The following AQR variants were observed in gnomAD, a reference collection of about 807,000 sequenced individuals.
The protein encoded by AQR is RNA helicase aquarius.
A neutral mutation model predicts 180.5 loss-of-function variants in AQR; 61 were observed. That is an observed-to-expected ratio of 0.34 (90% CI 0.28 to 0.42). The LOEUF (loss-of-function observed/expected upper bound fraction) is 0.42, where lower values mean the gene tolerates loss of function less well. Among genes scored for constraint, AQR ranks in the 10% least tolerant of loss-of-function variants. AQR has a pLI of 1.00. For missense variants in AQR, 1,281 were observed against 1,798.3 expected (o/e 0.71, Z 5.20); for synonymous variants, 551 against 588.8 (o/e 0.94, Z 0.93).
intron 2 of AQR, among the ~76,000 whole-genome samples, chr15:34,963,660 A>G (rs942378081): frequency 4.6e-5 from 4 of 86,972 alleles, no homozygotes; most frequent in East Asian, 6.9e-4. Flanking sequence ...ATACACGTAC[A>G]CTTTTTTTTT....
At chr15:34,952,524 G>C (rs566141316) in intron 4 of AQR, among the ~76,000 whole-genome samples, 31 of 152,166 alleles carry the variant, frequency 2.0e-4, no homozygotes, top group Non-Finnish European at 4.4e-4. Context: ...CTAGTAGCTA[G>C]ACTGGAACAA....
chr15:34,878,154 G>T (rs1892913391), intron 27 of AQR, among the ~76,000 whole-genome samples: 1 of 152,204 alleles, frequency 6.6e-6, no homozygotes, highest in South Asian at 2.1e-4. Flanking sequence ...GGAGGCCAAG[G>T]CAGGTGGATC....
At chr15:34,913,531 CAAG>C (rs1371899588) in intron 16 of AQR, among the ~76,000 whole-genome samples, 2 of 151,940 alleles carry the variant, frequency 1.3e-5, no homozygotes, top group Admixed American at 6.6e-5. Context: ...GAATTAACTC[CAAG>C]AAGTGACATT....
chr15:34,944,657 T>C (rs1894082153), intron 5 of AQR, among the ~76,000 whole-genome samples: 1 of 152,192 alleles, frequency 6.6e-6, no homozygotes, highest in African/African-American at 2.4e-5. Context: ...GCTAATAAAA[T>C]AATGGCTTTC....
intron 20 of AQR, among the ~76,000 whole-genome samples, chr15:34,898,010 GA>G (rs1163710151): frequency 6.6e-6 from 1 of 152,108 alleles, no homozygotes; most frequent in Non-Finnish European, 1.5e-5. Flanking sequence ...CATTTAATCA[GA>G]AAAAAATTTC....
Position 34,877,014 on chromosome 15 carries a change from T to C in AQR, c.3166-1008A>G, listed in dbSNP as rs578160726. Among the ~76,000 whole-genome samples, 28 of 152,360 alleles carry C rather than the reference T, an allele frequency of 1.8e-4. No individual in the cohort carries two copies. In the South Asian group the frequency reaches 2.7e-3, roughly 15 times the overall value. ...TCTTTTGTCTTCCAGACCTACACAA[T>C]TTGTAATTATATCTGTATATTTACT... is the stretch of plus-strand genomic sequence containing the variant. On this transcript the variant is annotated intron_variant, in intron 27 of 34. Coordinates refer to ENST00000156471, the MANE Select transcript of AQR (RefSeq NM_014691.3).
At chr15:34,937,109 C>T (rs907184147) in intron 9 of AQR, among the ~76,000 whole-genome samples, 13 of 152,172 alleles carry the variant, frequency 8.5e-5, no homozygotes, top group African/African-American at 2.9e-4. Context: ...ACAATCTCGG[C>T]TCACTGCAAG....
intron 12 of AQR, among the ~76,000 whole-genome samples, chr15:34,929,617 T>C (rs1162080703): frequency 6.6e-6 from 1 of 152,202 alleles, no homozygotes; most frequent in African/African-American, 2.4e-5. Flanking sequence ...TGAAGTCAAG[T>C]AGCATGATGC....
At chr15:34,884,835 GA>G in intron 25 of AQR, 101 bp from the exon 26 acceptor site, 57 of 799,326 alleles carry the variant, frequency 7.1e-5, no homozygotes, top group Middle Eastern at 3.7e-4. Context: ...AGGTGAAAAA[GA>G]AAAAAAAAGA....
At chr15:34,967,669 G>C (rs1331035113) in intron 1 of AQR, among the ~76,000 whole-genome samples, 1 of 152,140 alleles carries the variant, frequency 6.6e-6, no homozygotes, top group Non-Finnish European at 1.5e-5. Context: ...TCAAATAAAC[G>C]AAGTTCTGTA....
chr15:34,853,258 TA>T lies in AQR; in HGVS notation c.*3533del, dbSNP rs1338856249. The T allele has an allele frequency of 1.3e-5, 2 of 151,406 alleles. No homozygotes were observed. Among genetic ancestry groups the T allele is most frequent in the African/African-American group, 2.4e-5 (1 of 40,984 alleles). The allele number at this position is 151,406 out of a possible 1,614,324, so 9.4% of individuals were successfully genotyped here. A position where few individuals can be genotyped will look rare whatever the true frequency, so the allele number is the denominator to read the frequency against. ...AGGGTCACTGTTTTTTTTTTTTTTT[TA>T]ACTTTATCTTGTTTTGATTGAAGAA... is the stretch of plus-strand genomic sequence containing the variant. On this transcript the variant is annotated 3_prime_UTR_variant, in exon 35 of 35. Coordinates refer to ENST00000156471, the MANE Select transcript of AQR (RefSeq NM_014691.3).
intron 24 of AQR, among the ~76,000 whole-genome samples, chr15:34,888,837 C>CAGAGAA (rs1273211101): frequency 2.0e-4 from 30 of 152,248 alleles, no homozygotes; most frequent in Admixed American, 8.5e-4. Context: ...TTTTTTTCTT[C>CAGAGAA]AGAGAAAGTG....
chr15:34,957,649 C>G (rs953590048), intron 3 of AQR, among the ~76,000 whole-genome samples: 2 of 148,194 alleles, frequency 1.3e-5, no homozygotes, highest in Non-Finnish European at 3.0e-5. Context: ...TGCGGTGAGC[C>G]GAGACTGCAC....
chr15:34,874,908 T>C lies in AQR; in HGVS notation c.3238-44A>G, dbSNP rs768697955. 7 of 1,543,430 alleles carry C rather than the reference T, an allele frequency of 4.5e-6. No individual in the cohort carries two copies. The East Asian group carries it at 1.4e-4, about 30-fold the overall frequency. On this transcript the variant is annotated intron_variant, in intron 28 of 34. Transcript: ENST00000156471. Reference sequence around the variant, plus strand: ...GAAATGGCAAAATACTCTATTATCCTCTTGTCTCCAATTTATTACCCGAGA... The same window carrying C: ...GAAATGGCAAAATACTCTATTATCCCCTTGTCTCCAATTTATTACCCGAGA...
chr15:34,896,985 A>T lies in AQR; in HGVS notation c.2391-19T>A. 1 of 1,589,206 alleles carries T rather than the reference A, an allele frequency of 6.3e-7. No individual in the cohort carries two copies. On this transcript the variant is annotated intron_variant, in intron 21 of 34. Coordinates refer to ENST00000156471, the MANE Select transcript of AQR (RefSeq NM_014691.3). ...CGTATTACTGCAAATAAGAGTAAAT[A>T]AAAAGTTGGTACAGATAAATGATGC...
intron 19 of AQR, among the ~76,000 whole-genome samples, chr15:34,902,855 G>C (rs1206861151): frequency 6.6e-6 from 1 of 152,052 alleles, no homozygotes; most frequent in Non-Finnish European, 1.5e-5. Flanking sequence ...CACAGTTCTA[G>C]GTGCTAAGGA....
intron 1 of AQR, among the ~76,000 whole-genome samples, chr15:34,968,027 G>A (rs551692362): frequency 2.3e-4 from 35 of 152,034 alleles, no homozygotes; most frequent in Non-Finnish European, 4.0e-4. Context: ...TGGTCAGGCT[G>A]GTCTCGAACT....
At chr15:34,959,161 C>G (rs1894378872) in intron 3 of AQR, among the ~76,000 whole-genome samples, 1 of 152,064 alleles carries the variant, frequency 6.6e-6, no homozygotes. Flanking sequence ...TCAACTCAGT[C>G]TCTTTTTGTT....
rs1281681032 is a variant in AQR at position 34,927,032 on chromosome 15, T to C, written c.1118+3A>G. 1 of 1,524,006 alleles carries C rather than the reference T, an allele frequency of 6.6e-7. No homozygotes were observed. Among genetic ancestry groups the C allele is most frequent in the Non-Finnish European group, 8.9e-7 (1 of 1,125,102 alleles). The allele number at this position is 1,524,006 out of a possible 1,614,324, so 94.4% of individuals were successfully genotyped here. ...GAATATATAGTTTTTCATGTTGTCT[T>C]ACCTAAGAGGTCCAAAAAACTTGAC... is the stretch of plus-strand genomic sequence containing the variant. On this transcript the variant is annotated splice_donor_region_variant and intron_variant, in intron 13 of 34. Coordinates refer to ENST00000156471, the MANE Select transcript of AQR (RefSeq NM_014691.3).
Sources: allele counts gnomAD v4.1 joint callset (sites outside exome capture counted in the v4.1 genomes callset), GRCh38; gene constraint gnomAD v4.1.1; transcripts MANE v1.5; gene names NCBI Gene and HGNC (gene_info 2026-07-23, HGNC 2026-07-21).